HACD2: variants seen among roughly 807,000 people sequenced by gnomAD.
HACD2 encodes very-long-chain (3R)-3-hydroxyacyl-CoA dehydratase 2.
A neutral mutation model predicts 31.0 loss-of-function variants in HACD2; 15 were observed. The observed-to-expected ratio is 0.48, with a 90% CI of 0.32 to 0.75. The LOEUF (loss-of-function observed/expected upper bound fraction) is 0.75. Ranked by LOEUF, HACD2 falls within the 30% of genes least tolerant of loss-of-function variation. The pLI is 0.03. For synonymous variants in HACD2, 115 were observed against 122.2 expected, an observed-to-expected ratio of 0.94 and a Z score of 0.39; for missense variants, 283 against 313.0, an observed-to-expected ratio of 0.90 and a Z score of 0.72.
chr3:123,504,530 T>TA (rs370207577), intron 4 of HACD2, among the ~76,000 whole-genome samples: 7,328 of 141,052 alleles, frequency 0.052, 203 homozygotes, highest in Middle Eastern at 0.092. Flanking sequence ...TTCAAATAGG[T>TA]AAAAAAAAAA....
At chr3:123,497,372 G>C (rs925252065) in intron 6 of HACD2, among the ~76,000 whole-genome samples, 14 of 152,194 alleles carry the variant, frequency 9.2e-5, no homozygotes, top group African/African-American at 9.7e-5. Context: ...GGGGACGAGG[G>C]GGGTGTGGGT....
At chr3:123,531,686 C>T (rs2056363502) in intron 3 of HACD2, among the ~76,000 whole-genome samples, 1 of 152,214 alleles carries the variant, frequency 6.6e-6, no homozygotes, top group Non-Finnish European at 1.5e-5. Flanking sequence ...TCTCACCAGT[C>T]TTTTCCTCTA....
chr3:123,579,793 T>G (rs1410066544), intron 2 of HACD2, among the ~76,000 whole-genome samples: 1 of 152,210 alleles, frequency 6.6e-6, no homozygotes, highest in Non-Finnish European at 1.5e-5. Flanking sequence ...TACTACTTAT[T>G]TACTAGTGTC....
Position 123,584,908 on chromosome 3 carries a change from C to T in HACD2, c.120G>A (p.Ala40=), listed in dbSNP as rs369644935. 124 of 1,528,006 alleles carry T rather than the reference C, an allele frequency of 8.1e-5. No homozygotes were observed. In the African/African-American group the frequency reaches 1.3e-3, roughly 16 times the overall value. The allele number at this position is 1,528,006 out of a possible 1,614,324, so 94.7% of individuals were successfully genotyped here. ...KKKGPGPLAT[A]YLVIYNVVMT... ...TCACCACATTGTAGATGACCAGGTA[C>T]GCCGTGGCCAGGGGCCCCGGGCCCT... Residue 40 remains alanine, a synonymous_variant, in exon 1 of 7, where the codon GCG becomes GCA. Transcript: ENST00000383657.
chr3:123,571,302 A>G (rs191565055), intron 2 of HACD2, among the ~76,000 whole-genome samples: 19 of 152,316 alleles, frequency 1.2e-4, no homozygotes, highest in African/African-American at 4.3e-4. Context: ...ATCAAACACT[A>G]ATCTAGGTAC....
At chr3:123,507,992 C>T (rs556488749) in intron 4 of HACD2, among the ~76,000 whole-genome samples, 2 of 149,732 alleles carry the variant, frequency 1.3e-5, no homozygotes, top group South Asian at 2.1e-4. Flanking sequence ...GAGACCCCCC[C>T]TCTCTTAAAA....
At chr3:123,577,529 G>A (rs1245011600) in intron 2 of HACD2, among the ~76,000 whole-genome samples, 1 of 151,536 alleles carries the variant, frequency 6.6e-6, no homozygotes, top group Non-Finnish European at 1.5e-5. Flanking sequence ...GCTGAGGCAG[G>A]AGAATGGCGT....
intron 2 of HACD2, 21 bp from the exon 3 acceptor site, chr3:123,567,801 A>C (rs2056808805): frequency 6.8e-7 from 1 of 1,464,668 alleles, no homozygotes; most frequent in Non-Finnish European, 9.2e-7. Context: ...AAAGGGGAAA[A>C]AAGAGGAGAA....
At chr3:123,499,620 T>C (rs1487570682) in intron 6 of HACD2, 3 of 456,624 alleles carry the variant, frequency 6.6e-6, no homozygotes, top group South Asian at 4.6e-5. Flanking sequence ...TGAGGAGAAG[T>C]CCAACCCTGT....
At chr3:123,578,130 T>C (rs2056927288) in intron 2 of HACD2, among the ~76,000 whole-genome samples, 1 of 152,218 alleles carries the variant, frequency 6.6e-6, no homozygotes, top group Non-Finnish European at 1.5e-5. Flanking sequence ...ATACTATTTG[T>C]GACTTTTTGT....
At chr3:123,510,017 T>C (rs2056036772) in intron 4 of HACD2, among the ~76,000 whole-genome samples, 1 of 152,210 alleles carries the variant, frequency 6.6e-6, no homozygotes, top group African/African-American at 2.4e-5. Flanking sequence ...AAATTTATCA[T>C]TTAACAGTTT....
intron 3 of HACD2, among the ~76,000 whole-genome samples, chr3:123,536,641 T>C (rs889888883): frequency 6.6e-6 from 1 of 152,188 alleles, no homozygotes; most frequent in Non-Finnish European, 1.5e-5. Context: ...TAACAACTGA[T>C]AGTGAATGAC....
At chr3:123,536,651 C>T (rs145757108) in intron 3 of HACD2, among the ~76,000 whole-genome samples, 384 of 152,280 alleles carry the variant, frequency 2.5e-3, no homozygotes, top group African/African-American at 8.6e-3. Flanking sequence ...TAGTGAATGA[C>T]TAAAACTGAG....
At chr3:123,506,176 T>C (rs1481074996) in intron 4 of HACD2, among the ~76,000 whole-genome samples, 1 of 152,238 alleles carries the variant, frequency 6.6e-6, no homozygotes, top group Non-Finnish European at 1.5e-5. Context: ...ATTTTTTCCT[T>C]CATCCAAAAG....
At chr3:123,550,157 A>G (rs1472670422) in intron 3 of HACD2, among the ~76,000 whole-genome samples, 3 of 152,164 alleles carry the variant, frequency 2.0e-5, no homozygotes, top group Non-Finnish European at 4.4e-5. Context: ...ACAACAACAA[A>G]AAGAAGTATT....
intron 2 of HACD2, among the ~76,000 whole-genome samples, chr3:123,572,862 AT>A: frequency 6.6e-6 from 1 of 152,294 alleles, no homozygotes; most frequent in Middle Eastern, 3.4e-3. Flanking sequence ...GTGATTCCCC[AT>A]CTCTGTCTTT....
chr3:123,551,834 T>C (rs982262789), intron 3 of HACD2, among the ~76,000 whole-genome samples: 5 of 152,108 alleles, frequency 3.3e-5, no homozygotes, highest in African/African-American at 1.2e-4. Context: ...ATTTAACAAA[T>C]AGACAACTGG....
intron 4 of HACD2, among the ~76,000 whole-genome samples, chr3:123,503,471 C>G (rs914756979): frequency 1.3e-5 from 2 of 151,976 alleles, no homozygotes; most frequent in Admixed American, 1.3e-4. Context: ...AGCCAGAGAG[C>G]TTTGAAATCC....
At chr3:123,531,752 T>A (rs913575511) in intron 3 of HACD2, among the ~76,000 whole-genome samples, 1 of 152,218 alleles carries the variant, frequency 6.6e-6, no homozygotes, top group Admixed American at 6.5e-5. Context: ...GCTTTTCTCA[T>A]TTAACATTTT....
Sources: gnomAD v4.1 joint callset for allele counts (sites outside exome capture counted in the v4.1 genomes callset) on GRCh38, gnomAD v4.1.1 for gene constraint, MANE v1.5 for transcripts, NCBI Gene and HGNC (gene_info 2026-07-23, HGNC 2026-07-21) for gene names.